Variants in KCNK16 observed in about 807,000 individuals in gnomAD.
KCNK16 encodes the protein potassium two pore domain channel subfamily K member 16, also known as potassium channel subfamily K member 16.
In KCNK16, 23 loss-of-function variants were observed where a neutral mutation model predicts 23.0. The ratio of observed to expected loss-of-function variants is 1.00; its 90% CI spans 0.72 to 1.41. The LOEUF is 1.41. Among genes scored for constraint, KCNK16 ranks in the 40% most tolerant of loss-of-function variants. The probability of loss-of-function intolerance (pLI) is 0.00; values close to 1 mark genes in which losing one functional copy is unlikely to be tolerated. For missense variants in KCNK16, 327 were observed against 365.8 expected, an observed-to-expected ratio of 0.89 and a Z score of 0.87; for synonymous variants, 145 against 153.5, an observed-to-expected ratio of 0.94 and a Z score of 0.41.
At position 39,319,786 on chromosome 6, in the gene KCNK16, A is replaced by G. The variant is rs1221451816; in HGVS notation, c.214-653T>C. On this transcript the variant is annotated intron_variant, in intron 1 of 4. Transcript: ENST00000437525. This position sits in a 1 kb window ranked among gnomAD's most constrained non-coding sequence, Gnocchi z 4.2. Reference sequence around the variant, plus strand: ...GTGTGTGTGTGTGTGGTGGTTGTTTATATGTGATGTGTTGTATGCACGTGT... The same window carrying G: ...GTGTGTGTGTGTGTGGTGGTTGTTTGTATGTGATGTGTTGTATGCACGTGT... 1.3e-5 allele frequency among the ~76,000 whole-genome samples: 2 copies of G among 150,110 alleles called. No homozygotes were observed. Among genetic ancestry groups the G allele is most frequent in the East Asian group, 4.0e-4 (2 of 5,010 alleles).
chr6:39,318,995 C>T (rs954969999), intron 2 of KCNK16, 24 bp downstream of exon 2: 8 of 1,512,016 alleles, frequency 5.3e-6, no homozygotes, highest in Non-Finnish European at 7.4e-6. Flanking sequence ...CTTGGGGAAG[C>T]TCTTCTCTAC....
At chr6:39,322,860 C>T, upstream of KCNK16, 1 of 339,896 alleles carries the variant, frequency 2.9e-6, no homozygotes, top group South Asian at 6.0e-5. Flanking sequence ...CTCTCTCTGT[C>T]TCCAAGTTGG....
rs373034988 is a variant in KCNK16, at chr6:39,316,840, C to G, written c.603G>C (p.Glu201Asp). Residue 201 changes from glutamate to aspartate, a missense_variant, in exon 4 of 5, where the codon GAG becomes GAC. Physicochemically the swap from Glu to Asp is conservative, Grantham distance 45 (BLOSUM62 2). Transcript: ENST00000437525. Reference protein sequence around the residue: ...FSHVEGWSFSEGFYFAFITLS... With the variant: ...FSHVEGWSFSDGFYFAFITLS... ...GAGTGATGAAAGCAAAGTAGAAGCC[C>G]TCGCTGAAGCTCCAGCCCTCCACAT... 5 of 1,613,972 alleles carry G rather than the reference C, an allele frequency of 3.1e-6. No homozygotes were observed. The highest frequency in any genetic ancestry group is 4.2e-6 in the Non-Finnish European group (5 of 1,180,006).
At chr6:39,318,978 C>A in intron 2 of KCNK16, 41 bp downstream of exon 2, 2 of 1,392,422 alleles carry the variant, frequency 1.4e-6, no homozygotes, top group Non-Finnish European at 2.0e-6. Context: ...CAAACTAAGA[C>A]AGGGGCCTTG....
Position 39,317,971 on chromosome 6 carries a change from G to C in KCNK16, c.329-19C>G, listed in dbSNP as rs45504691. On this transcript the variant is annotated intron_variant, in intron 2 of 4. Transcript: ENST00000437525. ...CCATATCCTGCAAGGGAAGGGGGGC[G>C]TGTGCAAATATGGAGACTCTAGAAC... 1 of 1,586,638 alleles carries C rather than the reference G, an allele frequency of 6.3e-7. No individual in the cohort carries two copies. Among genetic ancestry groups the C allele is most frequent in the Admixed American group, 1.8e-5 (1 of 57,126 alleles).
Position 39,318,983 on chromosome 6 carries a change from G to A in KCNK16, c.328+36C>T, listed in dbSNP as rs113679074. On this transcript the variant is annotated intron_variant, in intron 2 of 4. Transcript: ENST00000437525. ...TTGGGGAGCCCAAACTAAGACAGGG[G>A]CCTTGGGGAAGCTCTTCTCTACCCC... 2.0e-5 allele frequency: 29 copies of A among 1,414,982 alleles called. 1 individual carries two copies. The highest frequency in any genetic ancestry group is 1.7e-5 in the Non-Finnish European group (17 of 998,130). The allele number at this position is 1,414,982 out of a possible 1,614,324, so 87.7% of individuals were successfully genotyped here. A position where few individuals can be genotyped will look rare whatever the true frequency, so the allele number is the denominator to read the frequency against.
At chr6:39,322,851 T>G, upstream of KCNK16, 1 of 352,206 alleles carries the variant, frequency 2.8e-6, no homozygotes, top group Non-Finnish European at 5.3e-6. Context: ...TTCATGTCTC[T>G]CTCTCTGTCT....
At chr6:39,318,072 C>T (rs1329820732) in intron 2 of KCNK16, 120 bp from the exon 3 acceptor site, 10 of 970,714 alleles carry the variant, frequency 1.0e-5, no homozygotes, top group African/African-American at 1.7e-5. Context: ...GGGGAAGCTC[C>T]CCTGTTCCCA....
At position 39,319,588 on chromosome 6, in the gene KCNK16, G is replaced by T. The variant is rs1261472796; in HGVS notation, c.214-455C>A. Among the ~76,000 whole-genome samples the T allele has an allele frequency of 1.1e-4, 16 of 152,168 alleles. No homozygotes were observed. The highest frequency in any genetic ancestry group is 8.5e-4 in the Admixed American group (13 of 15,286). On this transcript the variant is annotated intron_variant, in intron 1 of 4. Coordinates refer to ENST00000437525, the MANE Select transcript of KCNK16 (RefSeq NM_001135106.2). This position sits in a 1 kb window ranked among gnomAD's most constrained non-coding sequence, Gnocchi z 4.2. The stretch of plus-strand genomic sequence containing the variant: ...GTTTAGGGACCACAGGGAAGCCATG[G>T]GCTGCCTGCTATGAAGCTAATGGTG...
In KCNK16 at chr6:39,316,282, C is replaced by T; in HGVS notation, c.822G>A (p.Lys274=). 2.5e-6 allele frequency: 4 copies of T among 1,595,672 alleles called. No individual in the cohort carries two copies. The highest frequency in any genetic ancestry group is 2.6e-6 in the Non-Finnish European group (3 of 1,172,072). ...LWLLSRGLGV[K]DGAASDPSGL... is the part of the protein sequence containing the mutation. ...CACTGGGGTCAGAGGCTGCCCCATC[C>T]TTGACGCCGAGGCCCCTACTGAGCA... The change falls in exon 5 of 5, where the codon AAG becomes AAA. Residue 274 remains lysine (K), a synonymous_variant. Transcript: ENST00000437525.
downstream of KCNK16, chr6:39,315,534 T>A: frequency 9.0e-7 from 1 of 1,112,902 alleles, no homozygotes; most frequent in Non-Finnish European, 1.3e-6. Context: ...CAAGGGGAGC[T>A]GGCGAGCTTT....
In KCNK16 at chr6:39,319,775, G is replaced by GTGTGTGTGT; in HGVS notation, c.214-643_214-642insACACACACA. ...TGTGTGTGTGTGTGTGTGTGTGTGTGGTGGTTGTTTATATGTGATGTGTTG... is the reference window on the plus strand; with the variant it reads ...TGTGTGTGTGTGTGTGTGTGTGTGTGTGTGTGTGTGTGGTTGTTTATATGTGATGTGTTG... On this transcript the variant is annotated intron_variant, in intron 1 of 4. Coordinates refer to ENST00000437525, the MANE Select transcript of KCNK16 (RefSeq NM_001135106.2). The surrounding 1 kb of genome is among the most constrained non-coding windows in gnomAD (Gnocchi z 4.2). Among the ~76,000 whole-genome samples, 1 of 145,344 alleles carries GTGTGTGTGT rather than the reference G, an allele frequency of 6.9e-6. No individual in the cohort carries two copies. The highest frequency in any genetic ancestry group is 1.5e-5 in the Non-Finnish European group (1 of 66,466).
intron 2 of KCNK16, 47 bp downstream of exon 2, chr6:39,318,972 C>A: frequency 7.3e-7 from 1 of 1,366,374 alleles, no homozygotes; most frequent in Non-Finnish European, 1.0e-6. Flanking sequence ...GGAGCCCAAA[C>A]TAAGACAGGG....
chr6:39,318,918 A>G, intron 2 of KCNK16, 101 bp downstream of exon 2: 1 of 787,518 alleles, frequency 1.3e-6, no homozygotes, highest in South Asian at 1.5e-5. Context: ...TTCCTGAATA[A>G]TCTCCTAGAC....
rs956843435 is a variant in KCNK16 at position 39,317,863 on chromosome 6, G to A, written c.418C>T (p.Leu140Phe). ...CGCAGCCCTGTGCCCAGGTGGTTGAGGAAGATCACGTTAAGCGGGATGCCC... is the reference window on the plus strand; with the variant it reads ...CGCAGCCCTGTGCCCAGGTGGTTGAAGAAGATCACGTTAAGCGGGATGCCC... ...LLGIPLNVIF[L>F]NHLGTGLRAH... Residue 140 changes from leucine (L) to phenylalanine (F), a missense_variant, in exon 3 of 5, where the codon CTC becomes TTC. Physicochemically the swap from Leu to Phe is conservative, Grantham distance 22. Transcript: ENST00000437525. 7.4e-6 allele frequency: 12 copies of A among 1,613,764 alleles called. No individual in the cohort carries two copies. The highest frequency in any genetic ancestry group is 5.0e-5 in the Admixed American group (3 of 59,966).
At position 39,322,483 on chromosome 6, in the gene KCNK16, C is replaced by T. The variant is rs1399673497; in HGVS notation, c.58G>A (p.Ala20Thr). Residue 20 changes from alanine (A) to threonine (T), a missense_variant, in exon 1 of 5, where the codon GCC (alanine) becomes ACC (threonine). By Grantham distance (58) the Ala-to-Thr change is moderately conservative. Coordinates refer to ENST00000437525, the MANE Select transcript of KCNK16 (RefSeq NM_001135106.2). ...WGGRVLPLLL[A>T]YVCYLLLGAT... The stretch of plus-strand genomic sequence containing the variant: ...CCGAGCAGCAGGTAGCAGACATAGG[C>T]CAGCAGCAGGGGCAGCACCCGGCCA... 6.2e-7 allele frequency: 1 copy of T among 1,613,456 alleles called. No homozygotes were observed. The highest frequency in any genetic ancestry group is 8.5e-7 in the Non-Finnish European group (1 of 1,179,914).
Position 39,322,612 on chromosome 6 carries a change from G to A in KCNK16, c.-72C>T. On this transcript the variant is annotated 5_prime_UTR_variant, in exon 1 of 5. Transcript: ENST00000437525. ...GAGGTGGGAAACAGGTGAGGAGTAA[G>A]CACCTAGGGGCCTGTGCCCAGGCTG... 1.3e-6 allele frequency: 2 copies of A among 1,501,712 alleles called. No individual in the cohort carries two copies. The highest frequency in any genetic ancestry group is 1.8e-6 in the Non-Finnish European group (2 of 1,128,854). The allele number at this position is 1,501,712 out of a possible 1,614,324, so 93.0% of individuals were successfully genotyped here.
intron 3 of KCNK16, 152 bp from the exon 4 acceptor site, chr6:39,317,099 A>G (rs530402230): frequency 2.6e-6 from 2 of 758,800 alleles, no homozygotes; most frequent in Non-Finnish European, 4.1e-6. Context: ...GGTTGTATCT[A>G]TGTGTGCATG....
chr6:39,314,889 A>T, downstream of KCNK16: 2 of 1,068,898 alleles, frequency 1.9e-6, no homozygotes, highest in Non-Finnish European at 2.7e-6. Flanking sequence ...CTTGGGAGGT[A>T]AGAGGAGCCT....
Sources: allele counts gnomAD v4.1 joint callset (sites outside exome capture counted in the v4.1 genomes callset), GRCh38; gene constraint gnomAD v4.1.1; non-coding constraint Gnocchi (gnomAD v3.1); transcripts MANE v1.5; gene names NCBI Gene and HGNC (gene_info 2026-07-23, HGNC 2026-07-21).